Variants in CUX1 observed in about 807,000 individuals in gnomAD.
CUX1 encodes protein CASP.
Under a neutral mutation model 158.8 loss-of-function variants are expected in CUX1, and 31 were observed. That is an observed-to-expected ratio of 0.20 (90% CI 0.15 to 0.26). The LOEUF (loss-of-function observed/expected upper bound fraction) is 0.26. CUX1 is among the 10% of genes least tolerant of loss of function. The probability of loss-of-function intolerance (pLI) is 1.00; values close to 1 mark genes in which losing one functional copy is unlikely to be tolerated. For synonymous variants in CUX1, 879 were observed against 862.1 expected (o/e 1.02, Z -0.34); for missense variants, 1,589 against 2,014.6 (o/e 0.79, Z 4.04).
intron 2 of CUX1, among the ~76,000 whole-genome samples, chr7:101,976,290 C>T (rs889857955): frequency 1.3e-5 from 2 of 152,138 alleles, no homozygotes; most frequent in African/African-American, 2.4e-5. Context: ...GTTTTTGAAT[C>T]GACAACAGTT....
chr7:101,938,646 C>CT (rs1807239313), intron 2 of CUX1, among the ~76,000 whole-genome samples: 1 of 152,162 alleles, frequency 6.6e-6, no homozygotes, highest in South Asian at 2.1e-4. Context: ...TGGCTCACAC[C>CT]TGTAATCCCA....
At chr7:102,243,249 G>A (rs1800416584) in intron 23 of CUX1, among the ~76,000 whole-genome samples, 1 of 152,112 alleles carries the variant, frequency 6.6e-6, no homozygotes, top group Non-Finnish European at 1.5e-5. Context: ...ACTCCAGTCT[G>A]GGTGACACAG....
At chr7:102,198,920 T>A in intron 16 of CUX1, 53 bp downstream of exon 16, 1 of 1,487,756 alleles carries the variant, frequency 6.7e-7, no homozygotes, top group Non-Finnish European at 9.4e-7. Context: ...GGAAGCAGCA[T>A]GTCCTTAGCT....
rs183932480 is a variant in CUX1 at position 102,067,525 on chromosome 7, C to T, written c.190-2814C>T. 8.6e-5 allele frequency among the ~76,000 whole-genome samples: 13 copies of T among 150,904 alleles called. No individual in the cohort carries two copies. In the East Asian group the frequency reaches 1.7e-3, roughly 20 times the overall value. ...TGCTGGGATTACAGGTGTGAGCCAC[C>T]GCACCTGACCACAACTCTATTTTTT... On this transcript the variant is annotated intron_variant, in intron 3 of 23. Coordinates refer to ENST00000292535, the MANE Select transcript of CUX1 (RefSeq NM_181552.4).
chr7:102,176,187 A>G (rs990407263), intron 10 of CUX1, among the ~76,000 whole-genome samples: 1 of 152,266 alleles, frequency 6.6e-6, no homozygotes, highest in Admixed American at 6.5e-5. Flanking sequence ...CTTAAATGGT[A>G]AAGGCCTCAT....
chr7:101,995,549 G>T (rs1358248934), intron 2 of CUX1, among the ~76,000 whole-genome samples: 1 of 152,198 alleles, frequency 6.6e-6, no homozygotes, highest in Non-Finnish European at 1.5e-5. Context: ...ATGTACTTGG[G>T]AAATAAATTC....
At chr7:102,157,239 T>C (rs1277456652) in intron 8 of CUX1, among the ~76,000 whole-genome samples, 1 of 151,912 alleles carries the variant, frequency 6.6e-6, no homozygotes. Flanking sequence ...TGCAGGTGCA[T>C]GTGGACTCAG....
intron 1 of CUX1, among the ~76,000 whole-genome samples, chr7:101,871,988 A>T (rs574458899): frequency 2.0e-5 from 3 of 151,080 alleles, no homozygotes; most frequent in Non-Finnish European, 4.4e-5. Flanking sequence ...ACTGCACTCC[A>T]GCCTTGGCGA....
Position 101,819,930 on chromosome 7 carries a change from T to C in CUX1, c.30+2261T>C, listed in dbSNP as rs559497222. Among the ~76,000 whole-genome samples, 5 of 152,322 alleles carry C rather than the reference T, an allele frequency of 3.3e-5. No individual in the cohort carries two copies. The East Asian group carries it at 9.6e-4, about 29-fold the overall frequency. On this transcript the variant is annotated intron_variant, in intron 1 of 23. Transcript: ENST00000292535. ...CCAAATAGTCCAATACCTTCAGGAA[T>C]GATTCTCTCCTAAATCCACTGAGCT...
chr7:102,243,994 T>C (rs1201239501), intron 23 of CUX1, among the ~76,000 whole-genome samples: 1 of 151,726 alleles, frequency 6.6e-6, no homozygotes, highest in Non-Finnish European at 1.5e-5. Flanking sequence ...GCCATTGCAC[T>C]CCAGCCTGGG....
intron 14 of CUX1, among the ~76,000 whole-genome samples, chr7:102,272,793 GACC>G (rs1469467922): frequency 4.6e-5 from 7 of 152,202 alleles, no homozygotes; most frequent in African/African-American, 1.7e-4. Flanking sequence ...ACTCCTTGGG[GACC>G]ACGCCACCCC....
At chr7:101,820,559 A>G (rs1228105746) in intron 1 of CUX1, among the ~76,000 whole-genome samples, 1 of 152,204 alleles carries the variant, frequency 6.6e-6, no homozygotes. Context: ...TAAAAAATGT[A>G]ATTGCTCTAT....
In CUX1 at chr7:102,256,220, C is replaced by T. The variant is rs1789877997; in HGVS notation, c.*7178C>T. ...CCCAGTGTCTGAGGCCACAGCCATC[C>T]CTTCCAGCACTTAATCTTGTCTTGT... is the stretch of plus-strand genomic sequence containing the variant. On this transcript the variant is annotated 3_prime_UTR_variant, in exon 24 of 24. Coordinates refer to ENST00000292535, the MANE Select transcript of CUX1 (RefSeq NM_181552.4). 1 of 985,412 alleles carries T rather than the reference C, an allele frequency of 1.0e-6. No individual in the cohort carries two copies. The highest frequency in any genetic ancestry group is 1.7e-5 in the African/African-American group (1 of 57,338). 61.0% of individuals were successfully genotyped at this position (985,412 alleles called of 1,614,324 possible). A position where few individuals can be genotyped will look rare whatever the true frequency, so the allele number is the denominator to read the frequency against.
chr7:101,960,797 C>T (rs1055380775), intron 2 of CUX1: 10 of 152,194 alleles, frequency 6.6e-5, no homozygotes, highest in African/African-American at 2.4e-4. Flanking sequence ...AGTGTGCTGT[C>T]CTAACAGAGC....
chr7:102,173,925 G>A (rs1554511092), intron 10 of CUX1, among the ~76,000 whole-genome samples: 1 of 152,082 alleles, frequency 6.6e-6, no homozygotes, highest in African/African-American at 2.4e-5. Flanking sequence ...AGGAAACTGG[G>A]CCAGCGGAAA....
intron 8 of CUX1, among the ~76,000 whole-genome samples, chr7:102,147,303 G>T (rs551398801): frequency 6.6e-6 from 1 of 152,094 alleles, no homozygotes; most frequent in Non-Finnish European, 1.5e-5. Flanking sequence ...ACCTTTCCCC[G>T]AAAAACACTC....
At chr7:101,963,118 C>T (rs1476773809) in intron 2 of CUX1, among the ~76,000 whole-genome samples, 4 of 152,200 alleles carry the variant, frequency 2.6e-5, no homozygotes, top group African/African-American at 4.8e-5. Context: ...CTGATGCCAC[C>T]TCTGATGCCA....
intron 21 of CUX1, among the ~76,000 whole-genome samples, chr7:102,282,143 G>A (rs1217617736): frequency 2.6e-5 from 4 of 152,210 alleles, no homozygotes; most frequent in Admixed American, 2.6e-4. Flanking sequence ...GGGCCGCTCC[G>A]TGAAAGAGGC....
intron 14 of CUX1, among the ~76,000 whole-genome samples, chr7:102,263,907 G>A (rs936366766): frequency 6.6e-6 from 1 of 151,676 alleles, no homozygotes; most frequent in African/African-American, 2.4e-5. Context: ...GGCCGGGCTG[G>A]TCTCGAACTC....
Sources: gnomAD v4.1 joint callset for allele counts (sites outside exome capture counted in the v4.1 genomes callset) on GRCh38, gnomAD v4.1.1 for gene constraint, MANE v1.5 for transcripts, NCBI Gene and HGNC (gene_info 2026-07-23, HGNC 2026-07-21) for gene names.